SGCZ: variants seen among roughly 807,000 people sequenced by gnomAD.
SGCZ encodes the protein sarcoglycan zeta, also known as zeta-sarcoglycan.
SGCZ carries 40 observed loss-of-function variants against 41.3 expected under a neutral mutation model. The ratio of observed to expected loss-of-function variants is 0.97; its 90% confidence interval spans 0.75 to 1.26. The LOEUF (loss-of-function observed/expected upper bound fraction) is 1.26, where lower values mean the gene tolerates loss of function less well. SGCZ is among the 50% of genes most tolerant of loss of function. The pLI, the probability that SGCZ is intolerant of heterozygous loss-of-function variation, is 0.00. For missense variants in SGCZ, 552 were observed against 369.8 expected (o/e 1.49, Z -4.04); for synonymous variants, 206 against 137.5 (o/e 1.50, Z -3.49).
chr8:14,339,643 A>G (rs1227488085), intron 2 of SGCZ, among the ~76,000 whole-genome samples: 1 of 152,198 alleles, frequency 6.6e-6, no homozygotes, highest in Non-Finnish European at 1.5e-5. Context: ...AAACCTAAGC[A>G]TCTATTAGTG....
chr8:15,232,786 T>C (rs1352648488), intron 1 of SGCZ, among the ~76,000 whole-genome samples: 2 of 126,270 alleles, frequency 1.6e-5, no homozygotes, highest in African/African-American at 5.5e-5. Flanking sequence ...TACATATATA[T>C]GTGTGTATAC....
At chr8:15,019,051 T>G (rs1234415817) in intron 1 of SGCZ, among the ~76,000 whole-genome samples, 2 of 152,206 alleles carry the variant, frequency 1.3e-5, no homozygotes, top group Non-Finnish European at 2.9e-5. Flanking sequence ...ACTCACTCAC[T>G]ATCATGAGAA....
In SGCZ at chr8:14,878,664, A is replaced by G. The variant is rs75244594; in HGVS notation, c.40-323738T>C. Among the ~76,000 whole-genome samples, 693 of 152,332 alleles carry G rather than the reference A, an allele frequency of 4.5e-3. 3 individuals are homozygous for G. Among genetic ancestry groups the G allele is most frequent in the Non-Finnish European group, 8.3e-3 (567 of 68,022 alleles). On this transcript the variant is annotated intron_variant, in intron 1 of 7. Transcript: ENST00000382080. ...TTTCAGAAAAGCTATGTCAAGATCTATAAGAGGAACAGAGCAAACGAAGTC... is the reference window on the plus strand; with the variant it reads ...TTTCAGAAAAGCTATGTCAAGATCTGTAAGAGGAACAGAGCAAACGAAGTC...
chr8:15,048,920 T>C (rs1177644529), intron 1 of SGCZ, among the ~76,000 whole-genome samples: 2 of 152,078 alleles, frequency 1.3e-5, no homozygotes, highest in Admixed American at 1.3e-4. Context: ...TCAAAAAACT[T>C]GGAATAATTT....
chr8:14,382,570 G>C (rs1804407917), intron 2 of SGCZ, among the ~76,000 whole-genome samples: 1 of 152,136 alleles, frequency 6.6e-6, no homozygotes, highest in African/African-American at 2.4e-5. Flanking sequence ...CCCTTAAAGT[G>C]ATGAAAAATA....
chr8:14,535,640 G>C (rs1244203065), intron 2 of SGCZ, among the ~76,000 whole-genome samples: 1 of 151,774 alleles, frequency 6.6e-6, no homozygotes, highest in African/African-American at 2.4e-5. Flanking sequence ...AAATTTATTA[G>C]ATTTACATAA....
At chr8:14,877,330 T>C (rs955194450) in intron 1 of SGCZ, among the ~76,000 whole-genome samples, 1 of 152,180 alleles carries the variant, frequency 6.6e-6, no homozygotes, top group African/African-American at 2.4e-5. Context: ...CTACATCATG[T>C]CTGACACCAT....
chr8:14,609,831 A>T (rs1334561613), intron 1 of SGCZ, among the ~76,000 whole-genome samples: 2 of 152,202 alleles, frequency 1.3e-5, no homozygotes, highest in Admixed American at 6.5e-5. Context: ...AAGGAGAAAA[A>T]AAAACAGCAG....
intron 1 of SGCZ, among the ~76,000 whole-genome samples, chr8:14,675,718 G>C (rs1409874863): frequency 2.6e-5 from 4 of 152,024 alleles, no homozygotes; most frequent in Non-Finnish European, 4.4e-5. Flanking sequence ...TTAAACACCT[G>C]GAACTCCCAA....
At chr8:14,249,968 C>T (rs186293639) in intron 3 of SGCZ, among the ~76,000 whole-genome samples, 1 of 152,272 alleles carries the variant, frequency 6.6e-6, no homozygotes, top group African/African-American at 2.4e-5. Context: ...TAGCACAAGA[C>T]ACAACTAAGA....
intron 1 of SGCZ, among the ~76,000 whole-genome samples, chr8:15,083,778 G>C (rs1461555948): frequency 2.6e-5 from 4 of 151,906 alleles, no homozygotes; most frequent in African/African-American, 2.4e-5. Context: ...GTTTTGTTTT[G>C]AGATGGGGTC....
chr8:14,751,619 A>G (rs1475703243), intron 1 of SGCZ, among the ~76,000 whole-genome samples: 1 of 152,128 alleles, frequency 6.6e-6, no homozygotes, highest in Non-Finnish European at 1.5e-5. Context: ...GCCTGAAAAG[A>G]GAGGCTGGTT....
At chr8:14,197,630 T>C (rs1167281286) in intron 4 of SGCZ, among the ~76,000 whole-genome samples, 1 of 152,094 alleles carries the variant, frequency 6.6e-6, no homozygotes, top group East Asian at 1.9e-4. Context: ...TAAAATCTTC[T>C]TAATAAATTG....
chr8:14,550,516 G>C (rs1184473435), intron 2 of SGCZ, among the ~76,000 whole-genome samples: 1 of 151,952 alleles, frequency 6.6e-6, no homozygotes, highest in Non-Finnish European at 1.5e-5. Context: ...ATAGTTTAAA[G>C]TGTCAGTGAT....
chr8:15,230,831 T>G (rs1224338514), intron 1 of SGCZ, among the ~76,000 whole-genome samples: 1 of 152,170 alleles, frequency 6.6e-6, no homozygotes, highest in Non-Finnish European at 1.5e-5. Context: ...GGACAAATTC[T>G]TCAACTGTGG....
chr8:15,233,660 CAAAT>C (rs555586825), intron 1 of SGCZ, among the ~76,000 whole-genome samples: 21 of 152,096 alleles, frequency 1.4e-4, no homozygotes, highest in Non-Finnish European at 2.1e-4. Flanking sequence ...TTAATAAACT[CAAAT>C]AAGTAAGATT....
At chr8:14,625,568 A>C (rs1181926358) in intron 1 of SGCZ, among the ~76,000 whole-genome samples, 2 of 152,012 alleles carry the variant, frequency 1.3e-5, no homozygotes, top group Non-Finnish European at 2.9e-5. Context: ...TTATTTCAAA[A>C]GTAGTGTTTT....
chr8:14,798,592 T>C (rs149742263), intron 1 of SGCZ, among the ~76,000 whole-genome samples: 272 of 152,320 alleles, frequency 1.8e-3, no homozygotes, highest in African/African-American at 6.2e-3. Flanking sequence ...CAGCACTTTA[T>C]ACTGTACTAA....
chr8:14,891,990 G>A (rs188871872), intron 1 of SGCZ, among the ~76,000 whole-genome samples: 9 of 152,268 alleles, frequency 5.9e-5, no homozygotes, highest in African/African-American at 9.6e-5. Flanking sequence ...TAATGCAAAC[G>A]TAACTTTTAC....
Sources: gnomAD v4.1 joint callset for allele counts (sites outside exome capture counted in the v4.1 genomes callset) on GRCh38, gnomAD v4.1.1 for gene constraint, MANE v1.5 for transcripts, NCBI Gene and HGNC (gene_info 2026-07-23, HGNC 2026-07-21) for gene names.